Variants in ZFHX3 observed in about 807,000 individuals in gnomAD.
The protein encoded by ZFHX3 is zinc finger homeobox protein 3.
A neutral mutation model predicts 279.1 loss-of-function variants in ZFHX3; 42 were observed. The ratio of observed to expected loss-of-function variants is 0.15; its 90% confidence interval spans 0.12 to 0.19. ZFHX3 has a LOEUF of 0.19. Among genes scored for constraint, ZFHX3 ranks in the 10% least tolerant of loss-of-function variants. The pLI, the probability that ZFHX3 is intolerant of heterozygous loss-of-function variation, is 1.00. For synonymous variants in ZFHX3, 2,293 were observed against 1,957.8 expected, an observed-to-expected ratio of 1.17 and a Z score of -4.52; for missense variants, 4,981 against 4,754.0, an observed-to-expected ratio of 1.05 and a Z score of -1.40.
chr16:73,865,940 G>A (rs556284009), intron 1 of ZFHX3, among the ~76,000 whole-genome samples: 14 of 152,034 alleles, frequency 9.2e-5, no homozygotes, highest in Non-Finnish European at 1.5e-4. Flanking sequence ...ACCCAAGATC[G>A]CACCACTGCA....
chr16:73,376,510 T>C (rs2016725839), intron 3 of ZFHX3, among the ~76,000 whole-genome samples: 1 of 152,232 alleles, frequency 6.6e-6, no homozygotes, highest in African/African-American at 2.4e-5. Context: ...TCCCCTGAAA[T>C]CATTTATTAG....
rs140642639 is a variant in ZFHX3 at position 73,215,215 on chromosome 16, A to G, written c.-1104+41832T>C. 2.6e-3 allele frequency among the ~76,000 whole-genome samples: 400 copies of G among 152,312 alleles called. 9 individuals are homozygous for G. The South Asian group carries it at 0.039, about 15-fold the overall frequency. ...CTAGAGAAGCCGAGGAGACCCAGTAATCCTGCAAGAATCTGTCCTCCAGCC... is the reference window on the plus strand; with the variant it reads ...CTAGAGAAGCCGAGGAGACCCAGTAGTCCTGCAAGAATCTGTCCTCCAGCC... On this transcript the variant is annotated intron_variant, in intron 5 of 17. Transcript: ENST00000641206.
intron 2 of ZFHX3, among the ~76,000 whole-genome samples, chr16:73,677,308 C>A (rs552077347): frequency 6.6e-6 from 1 of 151,926 alleles, no homozygotes; most frequent in Non-Finnish European, 1.5e-5. Flanking sequence ...TAGAGGCTAT[C>A]AGAATATCAC....
At chr16:73,082,482 G>C (rs1965960037) in intron 8 of ZFHX3, among the ~76,000 whole-genome samples, 1 of 151,872 alleles carries the variant, frequency 6.6e-6, no homozygotes, top group Non-Finnish European at 1.5e-5. Context: ...TGTTAGCCAG[G>C]ATGGTCTCGA....
At chr16:73,153,595 AT>A (rs1306771339) in intron 5 of ZFHX3, among the ~76,000 whole-genome samples, 2 of 152,164 alleles carry the variant, frequency 1.3e-5, no homozygotes, top group African/African-American at 4.8e-5. Flanking sequence ...ACGGGCTTTA[AT>A]TTTCAGTAAA....
chr16:73,312,044 T>A (rs1330955917), intron 4 of ZFHX3, among the ~76,000 whole-genome samples: 1 of 152,200 alleles, frequency 6.6e-6, no homozygotes, highest in Admixed American at 6.5e-5. Context: ...GACTGCTGAA[T>A]GCAGTGGTGT....
At chr16:73,692,475 G>C (rs906795502) in intron 1 of ZFHX3, among the ~76,000 whole-genome samples, 2 of 152,164 alleles carry the variant, frequency 1.3e-5, no homozygotes, top group Admixed American at 6.5e-5. Flanking sequence ...TAGAGAGAAG[G>C]GAGGGAATTA....
chr16:72,934,598 C>T (rs187419922), intron 3 of ZFHX3, among the ~76,000 whole-genome samples: 1 of 152,326 alleles, frequency 6.6e-6, no homozygotes, highest in African/African-American at 2.4e-5. Context: ...TGCTCAAACT[C>T]CAGCTTGCCC....
At chr16:73,834,618 C>T (rs1057157903) in intron 1 of ZFHX3, among the ~76,000 whole-genome samples, 2 of 152,204 alleles carry the variant, frequency 1.3e-5, no homozygotes, top group African/African-American at 2.4e-5. Flanking sequence ...GTCAGCTGGG[C>T]GTGGTGGCTC....
rs71156159 is a variant in ZFHX3 at position 73,378,030 on chromosome 16, CAAAAAAAAAAAAAAAAAAAA to C, written c.-1290-59714_-1290-59695del. On this transcript the variant is annotated intron_variant, in intron 3 of 17. Transcript: ENST00000641206. ...CCTGGGTGACAGAGAGACTCTGTCT[CAAAAAAAAAAAAAAAAAAAA>C]AAAAAAAAAAAAAAAAAAATCTTAT... is the stretch of plus-strand genomic sequence containing the variant. Among the ~76,000 whole-genome samples, 99 of 53,836 alleles carry C rather than the reference CAAAAAAAAAAAAAAAAAAAA, an allele frequency of 1.8e-3. 1 individual carries two copies. The highest frequency in any genetic ancestry group is 2.3e-3 in the Admixed American group (8 of 3,528). The allele number at this position is 53,836 out of a possible 152,430, so 35.3% of individuals were successfully genotyped here.
At chr16:73,279,241 C>T (rs2014395776) in intron 4 of ZFHX3, among the ~76,000 whole-genome samples, 1 of 152,002 alleles carries the variant, frequency 6.6e-6, no homozygotes, top group Non-Finnish European at 1.5e-5. Flanking sequence ...TTTCAGAAAA[C>T]TGAGTCCCAG....
intron 4 of ZFHX3, among the ~76,000 whole-genome samples, chr16:72,863,681 G>C (rs1452029804): frequency 6.6e-6 from 1 of 152,154 alleles, no homozygotes; most frequent in Non-Finnish European, 1.5e-5. Context: ...GCCGAGGATG[G>C]ATGATGGGTT....
intron 3 of ZFHX3, among the ~76,000 whole-genome samples, chr16:73,428,488 C>T (rs775136807): frequency 4.6e-5 from 7 of 152,272 alleles, no homozygotes; most frequent in Admixed American, 6.5e-5. Flanking sequence ...TCACCTCTTC[C>T]ATTACAAATG....
intron 1 of ZFHX3, among the ~76,000 whole-genome samples, chr16:73,837,148 A>G (rs1961164626): frequency 6.6e-6 from 1 of 152,194 alleles, no homozygotes; most frequent in Non-Finnish European, 1.5e-5. Flanking sequence ...CTTCTGACAA[A>G]TCAGGTCTAG....
chr16:73,334,596 C>G (rs2143237681), intron 3 of ZFHX3, among the ~76,000 whole-genome samples: 1 of 151,982 alleles, frequency 6.6e-6, no homozygotes, highest in East Asian at 2.0e-4. Context: ...CCCAAAGGAC[C>G]GTCAGCCGAG....
rs1567455054 is a variant in ZFHX3 at position 73,340,377 on chromosome 16, A to C, written c.-1290-22041T>G. Among the ~76,000 whole-genome samples the C allele has an allele frequency of 2.0e-5, 3 of 152,340 alleles. No individual in the cohort carries two copies. In the East Asian group the frequency reaches 5.8e-4, roughly 29 times the overall value. On this transcript the variant is annotated intron_variant, in intron 3 of 17. Transcript: ENST00000641206. ...ATCTTATTTATTTATTTACTTATTC[A>C]GAAACAGGTCTTGCTCTGTCACCCA... is the stretch of plus-strand genomic sequence containing the variant.
chr16:72,938,317 C>T (rs1960228047), intron 3 of ZFHX3, among the ~76,000 whole-genome samples: 1 of 152,274 alleles, frequency 6.6e-6, no homozygotes, highest in African/African-American at 2.4e-5. Context: ...GTAACCAAAT[C>T]ACACAGAAAT....
intron 3 of ZFHX3, among the ~76,000 whole-genome samples, chr16:73,376,706 T>C (rs1425668605): frequency 2.0e-5 from 3 of 152,154 alleles, no homozygotes; most frequent in Admixed American, 2.0e-4. Context: ...GGATGGAATG[T>C]GGCAGTCGTG....
At chr16:73,749,999 T>C (rs982649059) in intron 1 of ZFHX3, among the ~76,000 whole-genome samples, 3 of 152,162 alleles carry the variant, frequency 2.0e-5, no homozygotes, top group Non-Finnish European at 2.9e-5. Context: ...GTCCTATGTA[T>C]CTACTCACCT....
Sources: allele counts gnomAD v4.1 joint callset (sites outside exome capture counted in the v4.1 genomes callset), GRCh38; gene constraint gnomAD v4.1.1; transcripts MANE v1.5; gene names NCBI Gene and HGNC (gene_info 2026-07-23, HGNC 2026-07-21).